Variants in CUX2 observed in about 807,000 individuals in gnomAD.
CUX2 encodes cut like homeobox 2, also known as homeobox protein cut-like 2.
A neutral mutation model predicts 144.8 loss-of-function variants in CUX2; 40 were observed. The ratio of observed to expected loss-of-function variants is 0.28; its 90% CI spans 0.21 to 0.36. The LOEUF is 0.36. CUX2 is among the 10% of genes least tolerant of loss of function. CUX2 has a pLI of 1.00. For missense variants in CUX2, 1,615 were observed against 1,994.0 expected (o/e 0.81, Z 3.62); for synonymous variants, 827 against 875.6 (o/e 0.94, Z 0.98).
chr12:111,049,245 G>A (rs943184837), intron 1 of CUX2, among the ~76,000 whole-genome samples: 4 of 150,788 alleles, frequency 2.7e-5, no homozygotes, highest in Middle Eastern at 3.4e-3. Flanking sequence ...ACCCATCCAC[G>A]AATTCCTCCA....
At chr12:111,236,001 C>T (rs760617862) in intron 3 of CUX2, among the ~76,000 whole-genome samples, 2 of 152,174 alleles carry the variant, frequency 1.3e-5, no homozygotes, top group East Asian at 1.9e-4. Flanking sequence ...GGACCTGGCA[C>T]GGCCCCAGGT....
chr12:111,245,386 A>T (rs551352995), intron 3 of CUX2, among the ~76,000 whole-genome samples: 6 of 150,218 alleles, frequency 4.0e-5, no homozygotes, highest in East Asian at 2.0e-4. Flanking sequence ...AAAAAAAAAA[A>T]TTTTTTTTTA....
At chr12:111,150,469 G>C (rs1200123200) in intron 1 of CUX2, among the ~76,000 whole-genome samples, 1 of 152,148 alleles carries the variant, frequency 6.6e-6, no homozygotes, top group Non-Finnish European at 1.5e-5. Context: ...GGGTAACACG[G>C]GGCTCCGGGA....
chr12:111,186,827 G>A lies in CUX2; in HGVS notation c.64-27373G>A, dbSNP rs1419513241. Reference sequence around the variant, plus strand: ...AGAATTTCACCGCATCACCCAGACTGGAGTGCAGTGGTGCAATCTCAGCTC... The same window carrying A: ...AGAATTTCACCGCATCACCCAGACTAGAGTGCAGTGGTGCAATCTCAGCTC... On this transcript the variant is annotated intron_variant, in intron 1 of 21. Coordinates refer to ENST00000261726, the MANE Select transcript of CUX2 (RefSeq NM_015267.4). The surrounding 1 kb of genome is among the most constrained non-coding windows in gnomAD (Gnocchi z 4.4). Among the ~76,000 whole-genome samples, 1 of 150,620 alleles carries A rather than the reference G, an allele frequency of 6.6e-6. No homozygotes were observed. Among genetic ancestry groups the A allele is most frequent in the Admixed American group, 6.6e-5 (1 of 15,150 alleles).
chr12:111,175,309 G>GT (rs775039553), intron 1 of CUX2, among the ~76,000 whole-genome samples: 32 of 144,540 alleles, frequency 2.2e-4, no homozygotes, highest in African/African-American at 4.8e-4. Flanking sequence ...AACATTTAAG[G>GT]TTTTTTTTAC....
chr12:111,042,608 C>G (rs896556269), intron 1 of CUX2, among the ~76,000 whole-genome samples: 2 of 152,080 alleles, frequency 1.3e-5, no homozygotes, highest in African/African-American at 2.4e-5. Context: ...TAGTAGCCAC[C>G]TCCTTAAGAA....
chr12:111,049,363 T>C (rs1311261594), intron 1 of CUX2, among the ~76,000 whole-genome samples: 1 of 152,196 alleles, frequency 6.6e-6, no homozygotes, highest in Non-Finnish European at 1.5e-5. Context: ...CCTTCCTCCA[T>C]GCATGCATCC....
chr12:111,188,746 C>T (rs1333491038), intron 1 of CUX2, among the ~76,000 whole-genome samples: 1 of 152,104 alleles, frequency 6.6e-6, no homozygotes, highest in African/African-American at 2.4e-5. Context: ...GAAGTCACCC[C>T]TCTTGTCACG....
chr12:111,293,456 G>A lies in CUX2; in HGVS notation c.447G>A (p.Glu149=). The part of the protein sequence containing the change: ...PELLSPKEQR[E]GTSPAGPTLT... Reference sequence around the variant, plus strand: ...TTTTTCTCCCTGCAGAGCAGAGAGAGGGGACGTCGCCTGCCGGGCCCACGC... The same window carrying A: ...TTTTTCTCCCTGCAGAGCAGAGAGAAGGGACGTCGCCTGCCGGGCCCACGC... The change falls in exon 6 of 22, where the codon GAG becomes GAA. Residue 149 remains glutamate (E), a synonymous_variant. Coordinates refer to ENST00000261726, the MANE Select transcript of CUX2 (RefSeq NM_015267.4). This position sits in a 1 kb window ranked among gnomAD's most constrained non-coding sequence, Gnocchi z 4.5. 6.2e-7 allele frequency: 1 copy of A among 1,608,370 alleles called. No individual in the cohort carries two copies. The highest frequency in any genetic ancestry group is 8.5e-7 in the Non-Finnish European group (1 of 1,178,276).
At chr12:111,117,300 A>G (rs1418820334) in intron 1 of CUX2, among the ~76,000 whole-genome samples, 6 of 152,326 alleles carry the variant, frequency 3.9e-5, no homozygotes, top group Middle Eastern at 3.4e-3. Flanking sequence ...TCCATCATAT[A>G]TGGGCAGTGG....
In CUX2 at chr12:111,334,469, A is replaced by T. The variant is rs777472228; in HGVS notation, c.2955A>T (p.Pro985=). The T allele has an allele frequency of 3.1e-6, 5 of 1,606,988 alleles. No homozygotes were observed. Among genetic ancestry groups the T allele is most frequent in the Non-Finnish European group, 4.3e-6 (5 of 1,176,380 alleles). Residue 985 remains proline (P), a synonymous_variant, in exon 19 of 22, where the codon CCA becomes CCT. Coordinates refer to ENST00000261726, the MANE Select transcript of CUX2 (RefSeq NM_015267.4). ...QASPTEPRSS[P]SPPPSPTEPE... ...GTCCCACAGAACCAAGGTCCTCACC[A>T]TCCCCACCCCCCAGCCCCACAGAGC... is the stretch of plus-strand genomic sequence containing the variant.
intron 4 of CUX2, among the ~76,000 whole-genome samples, chr12:111,278,056 C>T (rs1468969267): frequency 6.6e-6 from 1 of 152,172 alleles, no homozygotes; most frequent in East Asian, 1.9e-4. Flanking sequence ...AGCCGGGCAG[C>T]CTCTTCAGTC....
At position 111,079,634 on chromosome 12, in the gene CUX2, A is replaced by G. The variant is rs143935450; in HGVS notation, c.63+45394A>G. Among the ~76,000 whole-genome samples, 460 of 152,234 alleles carry G rather than the reference A, an allele frequency of 3.0e-3. 1 individual carries two copies. The highest frequency in any genetic ancestry group is 4.6e-3 in the Non-Finnish European group (313 of 68,018). ...ACGAGTAGTGATTTCTCATTCCCCC[A>G]TGCTCTGCTCTAAGAATCATTGATT... On this transcript the variant is annotated intron_variant, in intron 1 of 21. Coordinates refer to ENST00000261726, the MANE Select transcript of CUX2 (RefSeq NM_015267.4).
intron 1 of CUX2, among the ~76,000 whole-genome samples, chr12:111,036,008 A>C (rs570747797): frequency 6.6e-6 from 1 of 152,314 alleles, no homozygotes; most frequent in African/African-American, 2.4e-5. Context: ...CTTGGCACGA[A>C]GGCCAATGGT....
In CUX2 at chr12:111,310,493, A is replaced by G. The variant is rs1886841438; in HGVS notation, c.1711A>G (p.Ile571Val). Residue 571 changes from isoleucine to valine, a missense_variant, in exon 15 of 22, where the codon ATC becomes GTC. Ile to Val is a conservative substitution (Grantham distance 29). Coordinates refer to ENST00000261726, the MANE Select transcript of CUX2 (RefSeq NM_015267.4). The surrounding 1 kb of genome is among the most constrained non-coding windows in gnomAD (Gnocchi z 7.9). ...QVKEQLLKHN[I>V]GQRVFGHYVL... ...GAAGGAGCAGCTGCTGAAACACAAC[A>G]TCGGGCAGCGGGTGTTTGGGCATTA... is the stretch of plus-strand genomic sequence containing the variant. 6.2e-7 allele frequency: 1 copy of G among 1,613,724 alleles called. No individual in the cohort carries two copies. The highest frequency in any genetic ancestry group is 1.1e-5 in the South Asian group (1 of 91,082).
intron 18 of CUX2, among the ~76,000 whole-genome samples, chr12:111,329,937 C>T (rs1316630792): frequency 6.6e-6 from 1 of 152,120 alleles, no homozygotes; most frequent in Non-Finnish European, 1.5e-5. Context: ...ATGCCCGGCC[C>T]AAAGACCGTC....
intron 3 of CUX2, among the ~76,000 whole-genome samples, chr12:111,256,489 C>A (rs571681225): frequency 7.9e-5 from 12 of 152,290 alleles, no homozygotes; most frequent in African/African-American, 7.2e-5. Flanking sequence ...GTCCACCCCC[C>A]ATCATCTCTC....
chr12:111,206,294 T>C (rs1455329394), intron 1 of CUX2, among the ~76,000 whole-genome samples: 1 of 152,212 alleles, frequency 6.6e-6, no homozygotes, highest in Admixed American at 6.5e-5. Context: ...ATTGTGCCAC[T>C]GCACGCCAGG....
In CUX2 at chr12:111,035,613, CT is replaced by C. The variant is rs60539275; in HGVS notation, c.63+1389del. On this transcript the variant is annotated intron_variant, in intron 1 of 21. Coordinates refer to ENST00000261726, the MANE Select transcript of CUX2 (RefSeq NM_015267.4). This position sits in a 1 kb window ranked among gnomAD's most constrained non-coding sequence, Gnocchi z 6.0. ...CAGTCTGGAGATAAAAAGGGACCCA[CT>C]TTTTTTTTTTTTTTTAATCCGCCGG... Among the ~76,000 whole-genome samples the C allele has an allele frequency of 3.2e-4, 43 of 135,064 alleles. No individual in the cohort carries two copies. The highest frequency in any genetic ancestry group is 2.9e-4 in the Non-Finnish European group (19 of 64,448). 88.6% of individuals were successfully genotyped at this position (135,064 alleles called of 152,430 possible). A position where few individuals can be genotyped will look rare whatever the true frequency, so the allele number is the denominator to read the frequency against.
Sources: allele counts gnomAD v4.1 joint callset (sites outside exome capture counted in the v4.1 genomes callset), GRCh38; gene constraint gnomAD v4.1.1; non-coding constraint Gnocchi (gnomAD v3.1); transcripts MANE v1.5; gene names NCBI Gene and HGNC (gene_info 2026-07-23, HGNC 2026-07-21).